The following MDGA2 variants were observed in gnomAD, a reference collection of about 807,000 sequenced individuals.
The protein encoded by MDGA2 is MAM domain-containing glycosylphosphatidylinositol anchor protein 2.
In MDGA2, 40 loss-of-function variants were observed where a neutral mutation model predicts 117.8. That is an observed-to-expected ratio of 0.34 (90% CI 0.26 to 0.44). MDGA2 has a LOEUF of 0.44. MDGA2 is among the 20% of genes least tolerant of loss of function. MDGA2 has a pLI of 1.00. For missense variants in MDGA2, 1,123 were observed against 1,250.6 expected (o/e 0.90, Z 1.54); for synonymous variants, 452 against 439.0 (o/e 1.03, Z -0.37).
chr14:47,029,661 G>C (rs928261249), intron 8 of MDGA2, among the ~76,000 whole-genome samples: 4 of 152,006 alleles, frequency 2.6e-5, no homozygotes, highest in African/African-American at 9.7e-5. Context: ...ATAGCGCTTT[G>C]AGATGAAACT....
chr14:46,872,037 G>C (rs546544095), intron 14 of MDGA2: 1 of 182,548 alleles, frequency 5.5e-6, no homozygotes, highest in South Asian at 1.1e-4. Context: ...ATTTAGGCTT[G>C]TCAGTATACT....
At chr14:46,871,394 G>C (rs1233397920) in intron 14 of MDGA2, 2 of 151,894 alleles carry the variant, frequency 1.3e-5, no homozygotes, top group African/African-American at 4.8e-5. Context: ...AGCTTCCCAT[G>C]TTTGTGTTAT....
In MDGA2 at chr14:46,963,403, CG is replaced by C. The variant is rs201207456; in HGVS notation, c.1820-5761del. ...AATCAGCTCATGTTACTTTCCTGTT[CG>C]AAAAACTTTATGGACTCACCCTTGT... On this transcript the variant is annotated intron_variant, in intron 8 of 16. Transcript: ENST00000399232. Among the ~76,000 whole-genome samples, 511 of 152,290 alleles carry C rather than the reference CG, an allele frequency of 3.4e-3. 3 individuals carry two copies. The highest frequency in any genetic ancestry group is 0.012 in the African/African-American group (482 of 41,562).
intron 8 of MDGA2, among the ~76,000 whole-genome samples, chr14:47,002,018 T>C (rs1887548083): frequency 6.6e-6 from 1 of 152,070 alleles, no homozygotes; most frequent in South Asian, 2.1e-4. Flanking sequence ...ATCTGTTATC[T>C]CCAGGTTGTG....
At chr14:46,851,810 A>G (rs570170933) in intron 15 of MDGA2, among the ~76,000 whole-genome samples, 20 of 151,940 alleles carry the variant, frequency 1.3e-4, no homozygotes, top group Non-Finnish European at 2.1e-4. Context: ...ATAGTAATAT[A>G]TTGGTATCAT....
chr14:47,295,433 C>T (rs1441314119), intron 2 of MDGA2, among the ~76,000 whole-genome samples: 1 of 152,144 alleles, frequency 6.6e-6, no homozygotes, highest in Non-Finnish European at 1.5e-5. Flanking sequence ...GTCATACTTT[C>T]TACATATGAC....
intron 8 of MDGA2, among the ~76,000 whole-genome samples, chr14:47,000,413 A>G (rs1566567926): frequency 2.8e-5 from 4 of 140,984 alleles, no homozygotes; most frequent in East Asian, 2.0e-4. Flanking sequence ...ATATATTTAT[A>G]TATATACACA....
At chr14:47,184,565 A>AT (rs1766570697) in intron 3 of MDGA2, among the ~76,000 whole-genome samples, 1 of 151,846 alleles carries the variant, frequency 6.6e-6, no homozygotes, top group Non-Finnish European at 1.5e-5. Flanking sequence ...CAACATTTGC[A>AT]TTTTTCAGAG....
chr14:47,454,209 G>A (rs1228248353), intron 1 of MDGA2, among the ~76,000 whole-genome samples: 3 of 152,130 alleles, frequency 2.0e-5, no homozygotes, highest in East Asian at 1.9e-4. Flanking sequence ...AGGGAGGTGG[G>A]AGAGTGTCAT....
At chr14:47,327,219 A>G (rs1371819728) in intron 1 of MDGA2, among the ~76,000 whole-genome samples, 2 of 152,106 alleles carry the variant, frequency 1.3e-5, no homozygotes, top group East Asian at 3.9e-4. Flanking sequence ...CTAGAAATCA[A>G]TCTCTTCCCC....
chr14:47,561,153 G>GGTTTTTTTTTTTTTTTTTTTTTTTTTTT (rs1895797132), intron 1 of MDGA2, among the ~76,000 whole-genome samples: 8 of 63,908 alleles, frequency 1.3e-4, no homozygotes, highest in Non-Finnish European at 2.3e-4. Context: ...TTTTTTTTTT[G>GGTTTTTTTTTTTTTTTTTTTTTTTTTTT]TTTTGTTTTG....
chr14:46,960,240 A>T (rs957929456), intron 8 of MDGA2, among the ~76,000 whole-genome samples: 1 of 152,120 alleles, frequency 6.6e-6, no homozygotes, highest in East Asian at 1.9e-4. Context: ...ATTATATTGT[A>T]CATTATAGTA....
At chr14:47,612,416 C>T (rs934034377) in intron 1 of MDGA2, among the ~76,000 whole-genome samples, 1 of 152,062 alleles carries the variant, frequency 6.6e-6, no homozygotes, top group Non-Finnish European at 1.5e-5. Context: ...GTTTCTAATA[C>T]TTCAAAATGT....
chr14:47,420,167 A>T (rs1427538507), intron 1 of MDGA2, among the ~76,000 whole-genome samples: 1 of 152,190 alleles, frequency 6.6e-6, no homozygotes, highest in Non-Finnish European at 1.5e-5. Context: ...AATTAAAAAA[A>T]TTACTTTCAG....
chr14:47,218,333 A>C, intron 2 of MDGA2, 138 bp from the exon 3 acceptor site: 1 of 739,970 alleles, frequency 1.4e-6, no homozygotes, highest in Non-Finnish European at 2.1e-6. Flanking sequence ...GAAAAAATTA[A>C]TGTTTACAGA....
intron 10 of MDGA2, among the ~76,000 whole-genome samples, chr14:46,911,074 A>G (rs1331292542): frequency 6.6e-6 from 1 of 152,168 alleles, no homozygotes; most frequent in Non-Finnish European, 1.5e-5. Flanking sequence ...TGATGAAATA[A>G]TCTTCACAAC....
intron 1 of MDGA2, among the ~76,000 whole-genome samples, chr14:47,529,634 A>G (rs913541077): frequency 7.2e-5 from 11 of 152,228 alleles, no homozygotes. Flanking sequence ...TCATTAACAA[A>G]GAACTCTACT....
At chr14:47,189,888 A>G (rs910135983) in intron 3 of MDGA2, among the ~76,000 whole-genome samples, 1 of 152,116 alleles carries the variant, frequency 6.6e-6, no homozygotes, top group South Asian at 2.1e-4. Context: ...CACCTAAAAG[A>G]CACCTTCATG....
At chr14:46,908,187 C>T (rs1363198474) in intron 10 of MDGA2, among the ~76,000 whole-genome samples, 2 of 152,176 alleles carry the variant, frequency 1.3e-5, no homozygotes, top group Non-Finnish European at 2.9e-5. Context: ...ATTTCAGAAG[C>T]TAAAAATGTA....
Sources: gnomAD v4.1 joint callset for allele counts (sites outside exome capture counted in the v4.1 genomes callset) on GRCh38, gnomAD v4.1.1 for gene constraint, MANE v1.5 for transcripts, NCBI Gene and HGNC (gene_info 2026-07-23, HGNC 2026-07-21) for gene names.